The following GBF1 variants were observed in gnomAD, a reference collection of about 807,000 sequenced individuals.
The protein encoded by GBF1 is golgi brefeldin A resistant guanine nucleotide exchange factor 1, also known as Golgi-specific brefeldin A-resistance guanine nucleotide exchange factor 1.
A neutral mutation model predicts 210.5 loss-of-function variants in GBF1; 114 were observed. The ratio of observed to expected loss-of-function variants is 0.54; its 90% confidence interval spans 0.47 to 0.63. The LOEUF is 0.63. Among genes scored for constraint, GBF1 ranks in the 30% least tolerant of loss-of-function variants. GBF1 has a pLI of 0.00. For synonymous variants in GBF1, 850 were observed against 889.2 expected, an observed-to-expected ratio of 0.96 and a Z score of 0.78; for missense variants, 1,851 against 2,357.7, an observed-to-expected ratio of 0.79 and a Z score of 4.45.
intron 4 of GBF1, among the ~76,000 whole-genome samples, chr10:102,350,116 C>T (rs1026580416): frequency 2.6e-5 from 4 of 152,024 alleles, no homozygotes; most frequent in East Asian, 1.9e-4. Flanking sequence ...TTTGGGAGGC[C>T]GAGGCTGGCA....
intron 1 of GBF1, among the ~76,000 whole-genome samples, chr10:102,249,283 C>T (rs993140263): frequency 6.6e-6 from 1 of 152,112 alleles, no homozygotes; most frequent in Non-Finnish European, 1.5e-5. Context: ...ACCTTGGGTG[C>T]CCTGAGTGGC....
chr10:102,370,953 T>G, intron 29 of GBF1, 93 bp downstream of exon 29: 1 of 1,219,388 alleles, frequency 8.2e-7, no homozygotes, highest in Non-Finnish European at 1.2e-6. Context: ...AGAGAGTACA[T>G]TTAGTGCCCC....
At chr10:102,364,217 C>CTTTTTTTTTTTTTTTTTTTTTTTTTTTTT in intron 17 of GBF1, among the ~76,000 whole-genome samples, 1 of 66,940 alleles carries the variant, frequency 1.5e-5, no homozygotes, top group Non-Finnish European at 2.8e-5. Context: ...CTTTGGATTT[C>CTTTTTTTTTTTTTTTTTTTTTTTTTTTTT]TTTTTTTTTT....
chr10:102,261,853 C>T (rs1302863140), intron 3 of GBF1, among the ~76,000 whole-genome samples: 1 of 152,030 alleles, frequency 6.6e-6, no homozygotes, highest in Non-Finnish European at 1.5e-5. Context: ...GACTCCTGAC[C>T]TCAGATGATC....
chr10:102,281,861 A>T (rs1266107806), intron 3 of GBF1, among the ~76,000 whole-genome samples: 1 of 150,802 alleles, frequency 6.6e-6, no homozygotes, highest in Non-Finnish European at 1.5e-5. Flanking sequence ...TAGTCATCAC[A>T]TCTTGTTAGG....
Position 102,377,055 on chromosome 10 carries a change from C to A in GBF1, c.4409C>A (p.Ala1470Asp). ...CGGCCTCGAACCTCCAGCCAACATG[C>A]CTCTCGGGGCGGGCAGAGTGATGAT... ...LRRPRTSSQH[A>D]SRGGQSDDDE... is the part of the protein sequence containing the mutation. Residue 1470 changes from alanine (A) to aspartate (D), a missense_variant, in exon 33 of 40, where the codon GCC becomes GAC. By Grantham distance (126) the Ala-to-Asp change is moderately radical. Coordinates refer to ENST00000369983, the MANE Select transcript of GBF1 (RefSeq NM_001377137.1). The A allele has an allele frequency of 6.8e-6, 11 of 1,614,134 alleles. No individual in the cohort carries two copies. The highest frequency in any genetic ancestry group is 9.3e-6 in the Non-Finnish European group (11 of 1,180,006).
intron 4 of GBF1, among the ~76,000 whole-genome samples, chr10:102,348,148 G>T (rs937549767): frequency 2.0e-5 from 3 of 152,052 alleles, no homozygotes; most frequent in Admixed American, 1.3e-4. Context: ...TATTGGCCAG[G>T]CTGGTCTCGA....
At chr10:102,261,708 G>A (rs1011149999) in intron 3 of GBF1, among the ~76,000 whole-genome samples, 5 of 142,826 alleles carry the variant, frequency 3.5e-5, no homozygotes, top group East Asian at 2.1e-4. Flanking sequence ...TGCAACTTCC[G>A]TCTCCCAGAT....
chr10:102,302,269 AAGGGGAG>A (rs2133851141), intron 3 of GBF1, among the ~76,000 whole-genome samples: 1 of 152,002 alleles, frequency 6.6e-6, no homozygotes, highest in African/African-American at 2.4e-5. Flanking sequence ...GGGAGAGGGA[AAGGGGAG>A]AGGGGAGAGG....
At chr10:102,355,076 G>T (rs973555099) in intron 8 of GBF1, among the ~76,000 whole-genome samples, 1 of 152,138 alleles carries the variant, frequency 6.6e-6, no homozygotes, top group East Asian at 1.9e-4. Context: ...AGGTATAGGG[G>T]AGCTTAGGGG....
chr10:102,235,283 T>C, the GBF1 span, among the ~76,000 whole-genome samples: 86 of 151,486 alleles, frequency 5.7e-4, no homozygotes, highest in African/African-American at 2.1e-3. Flanking sequence ...GGGAGTGTTC[T>C]GCACTGGATG....
At chr10:102,350,120 G>A (rs2058845432) in intron 4 of GBF1, among the ~76,000 whole-genome samples, 1 of 152,128 alleles carries the variant, frequency 6.6e-6, no homozygotes, top group South Asian at 2.1e-4. Context: ...GGAGGCCGAG[G>A]CTGGCAGATA....
rs145844595 is a variant in GBF1, at chr10:102,381,152, C to T, written c.5199C>T (p.Gly1733=). 4.8e-5 allele frequency: 77 copies of T among 1,613,792 alleles called. No individual in the cohort carries two copies. Among genetic ancestry groups the T allele is most frequent in the Non-Finnish European group, 6.3e-5 (74 of 1,179,870 alleles). The part of the protein sequence containing the change: ...IQDPMPMEPQ[G]QKPLASAHLT... ...ACCCCATGCCCATGGAGCCTCAAGGCCAAAAGCCTCTCGCCTCAGCCCACC... is the reference window on the plus strand; with the variant it reads ...ACCCCATGCCCATGGAGCCTCAAGGTCAAAAGCCTCTCGCCTCAGCCCACC... Residue 1733 remains glycine (G), a synonymous_variant, in exon 39 of 40, where the codon GGC becomes GGT. Transcript: ENST00000369983.
At chr10:102,278,433 CCACAGCCAG>C (rs1414502013) in intron 3 of GBF1, among the ~76,000 whole-genome samples, 1 of 152,160 alleles carries the variant, frequency 6.6e-6, no homozygotes, top group Non-Finnish European at 1.5e-5. Context: ...GCATGAGCCA[CCACAGCCAG>C]CTGACATTGA....
chr10:102,302,259 GGGAGA>G (rs1291606709), intron 3 of GBF1, among the ~76,000 whole-genome samples: 2 of 70,262 alleles, frequency 2.8e-5, no homozygotes, highest in Admixed American at 1.7e-4. Flanking sequence ...ACTGTGGAAA[GGGAGA>G]GGGAAAGGGG....
intron 3 of GBF1, among the ~76,000 whole-genome samples, chr10:102,340,991 C>A (rs530913076): frequency 2.0e-5 from 3 of 152,142 alleles, no homozygotes; most frequent in Non-Finnish European, 4.4e-5. Context: ...AGTGTCTGTT[C>A]TATGAAAGAT....
chr10:102,274,699 A>ATG, intron 3 of GBF1, among the ~76,000 whole-genome samples: 1 of 71,730 alleles, frequency 1.4e-5, no homozygotes, highest in East Asian at 4.9e-4. Context: ...CAAAACAAAG[A>ATG]TTTTTTTTTT....
intron 3 of GBF1, among the ~76,000 whole-genome samples, chr10:102,334,844 G>A (rs555158853): frequency 8.7e-5 from 13 of 149,382 alleles, no homozygotes; most frequent in African/African-American, 2.7e-4. Flanking sequence ...GCGAGACTTC[G>A]TCTCAAAAAA....
intron 33 of GBF1, among the ~76,000 whole-genome samples, chr10:102,377,529 A>G (rs2060581031): frequency 6.6e-6 from 1 of 151,640 alleles, no homozygotes; most frequent in Admixed American, 6.6e-5. Flanking sequence ...AATTTTTTGT[A>G]TTTTTAGTAG....
Sources: gnomAD v4.1 joint callset for allele counts (sites outside exome capture counted in the v4.1 genomes callset) on GRCh38, gnomAD v4.1.1 for gene constraint, MANE v1.5 for transcripts, NCBI Gene and HGNC (gene_info 2026-07-23, HGNC 2026-07-21) for gene names.